Variants in TUBB observed in about 807,000 individuals in gnomAD.
TUBB encodes the protein tubulin beta chain.
TUBB carries 2 observed loss-of-function variants against 35.1 expected under a neutral mutation model. The observed-to-expected ratio is 0.06, with a 90% CI of 0.02 to 0.18. The LOEUF is 0.18. TUBB is among the 10% of genes least tolerant of loss of function. The probability of loss-of-function intolerance (pLI) is 1.00; values close to 1 mark genes in which losing one functional copy is unlikely to be tolerated. For missense variants in TUBB, 50 were observed against 599.4 expected, an observed-to-expected ratio of 0.08 and a Z score of 9.57; for synonymous variants, 205 against 223.8, an observed-to-expected ratio of 0.92 and a Z score of 0.75.
intron 1 of TUBB, chr6:30,721,795 G>A: frequency 1.0e-6 from 1 of 985,360 alleles, no homozygotes; most frequent in Non-Finnish European, 1.2e-6. Context: ...CTTTCTCGGG[G>A]GAGCGAGTGT....
rs1011680322 is a variant in TUBB at position 30,720,621 on chromosome 6, G to T, written c.57+58G>T. 10 of 1,545,180 alleles carry T rather than the reference G, an allele frequency of 6.5e-6. No individual in the cohort carries two copies. The African/African-American group carries it at 1.1e-4, about 17-fold the overall frequency. On this transcript the variant is annotated intron_variant, in intron 1 of 3. Coordinates refer to ENST00000327892, the MANE Select transcript of TUBB (RefSeq NM_178014.4). ...ACAAGGAAAAATCCAGGTAAGTTATGAAAAAATGGTTGTGGGGCATTTGCA... is the reference window on the plus strand; with the variant it reads ...ACAAGGAAAAATCCAGGTAAGTTATTAAAAAATGGTTGTGGGGCATTTGCA...
chr6:30,722,670 C>G (rs775894169), intron 2 of TUBB, 25 bp downstream of exon 2: 1 of 1,587,760 alleles, frequency 6.3e-7, no homozygotes, highest in Admixed American at 1.7e-5. Context: ...CCGGGCAGCT[C>G]AGGTTCCCTT....
rs1291601868 is a variant in TUBB at position 30,724,827 on chromosome 6, G to C, written c.*430G>C. ...GGGTAGAAGTCACTATATAAGGAAG[G>C]GGATGGGATTTTCCATTCTAAAAGT... On this transcript the variant is annotated 3_prime_UTR_variant, in exon 4 of 4. Coordinates refer to ENST00000327892, the MANE Select transcript of TUBB (RefSeq NM_178014.4). The surrounding 1 kb of genome is among the most constrained non-coding windows in gnomAD (Gnocchi z 4.4). The C allele has an allele frequency of 5.8e-6, 1 of 172,944 alleles. No individual in the cohort carries two copies. Among genetic ancestry groups the C allele is most frequent in the African/African-American group, 2.4e-5 (1 of 42,092 alleles). The allele number at this position is 172,944 out of a possible 1,614,324, so 10.7% of individuals were successfully genotyped here.
At position 30,725,355 on chromosome 6, in the gene TUBB, G is replaced by C. The variant is rs953199919; in HGVS notation, c.*958G>C. On this transcript the variant is annotated 3_prime_UTR_variant, in exon 4 of 4. Transcript: ENST00000327892. The stretch of plus-strand genomic sequence containing the variant: ...GAGATTTCTATTTTATGTTGAACTT[G>C]CTGCTTTTTTTCATATTGAAAAGAT... 6.5e-6 allele frequency: 1 copy of C among 152,768 alleles called. No individual in the cohort carries two copies. The highest frequency in any genetic ancestry group is 6.5e-5 in the Admixed American group (1 of 15,270). The allele number at this position is 152,768 out of a possible 1,614,324, so 9.5% of individuals were successfully genotyped here.
Position 30,720,486 on chromosome 6 carries a change from C to CA in TUBB, c.-14dup, listed in dbSNP as rs752125942. ...TGCCCCATACATACCTTGAGGCGAG[C>CA]AAAAAAATTAAATTTTAACCATGAG... On this transcript the variant is annotated 5_prime_UTR_variant, in exon 1 of 4. Coordinates refer to ENST00000327892, the MANE Select transcript of TUBB (RefSeq NM_178014.4). 163 of 1,613,764 alleles carry CA rather than the reference C, an allele frequency of 1.0e-4. No individual in the cohort carries two copies. The highest frequency in any genetic ancestry group is 1.3e-4 in the Non-Finnish European group (153 of 1,179,808).
intron 1 of TUBB, 36 bp from the exon 2 acceptor site, chr6:30,722,501 T>C: frequency 6.9e-7 from 1 of 1,446,232 alleles, no homozygotes; most frequent in South Asian, 1.2e-5. Flanking sequence ...TGGCTGGGAC[T>C]TGACCTGTTG....
chr6:30,720,355 T>A lies in TUBB; in HGVS notation c.-152T>A. 1.3e-6 allele frequency: 1 copy of A among 760,414 alleles called. No individual in the cohort carries two copies. Among genetic ancestry groups the A allele is most frequent in the African/African-American group, 1.7e-5 (1 of 57,626 alleles). The allele number at this position is 760,414 out of a possible 1,614,324, so 47.1% of individuals were successfully genotyped here. ...CGCCCTCCCCTCTCCTTTCTCCCTCTCAGAACCTTCCTGCCGTCGCGTTTG... is the reference window on the plus strand; with the variant it reads ...CGCCCTCCCCTCTCCTTTCTCCCTCACAGAACCTTCCTGCCGTCGCGTTTG... On this transcript the variant is annotated 5_prime_UTR_variant, in exon 1 of 4. Transcript: ENST00000327892.
rs1450166403 is a variant in TUBB, at chr6:30,724,106, T to C, written c.1044T>C (p.Asn348=). The change falls in exon 4 of 4, where the codon AAT becomes AAC. Residue 348 remains asparagine, a synonymous_variant. Transcript: ENST00000327892. The surrounding 1 kb of genome is among the most constrained non-coding windows in gnomAD (Gnocchi z 4.4). ...SSYFVEWIPN[N]VKTAVCDIPP... is the part of the protein sequence containing the mutation. ...ACTTTGTGGAATGGATCCCCAACAA[T>C]GTCAAGACAGCCGTCTGTGACATCC... The C allele has an allele frequency of 2.5e-6, 4 of 1,608,644 alleles. No individual in the cohort carries two copies. Among genetic ancestry groups the C allele is most frequent in the Admixed American group, 3.3e-5 (2 of 59,834 alleles).
In TUBB at chr6:30,721,552, CTT is replaced by C. The variant is rs1020319854; in HGVS notation, c.58-982_58-981del. On this transcript the variant is annotated intron_variant, in intron 1 of 3. Coordinates refer to ENST00000327892, the MANE Select transcript of TUBB (RefSeq NM_178014.4). ...CCCTGGCCCCGCCCACGCGCGAAGT[CTT>C]TTGTCGGCGGCTCGACCTGCGCGTG... is the stretch of plus-strand genomic sequence containing the variant. The C allele has an allele frequency of 1.7e-4, 164 of 985,294 alleles. 1 individual carries two copies. The highest frequency in any genetic ancestry group is 8.0e-4 in the East Asian group (7 of 8,792). 61.0% of individuals were successfully genotyped at this position (985,294 alleles called of 1,614,324 possible).
intron 1 of TUBB, chr6:30,721,594 G>A (rs1165034583): frequency 6.2e-5 from 61 of 985,334 alleles, no homozygotes; most frequent in Non-Finnish European, 7.2e-5. Context: ...GCAGTCACGT[G>A]GAGGGCGGGG....
chr6:30,723,061 T>C (rs1311497862), intron 3 of TUBB, 33 bp downstream of exon 3: 3 of 1,532,214 alleles, frequency 2.0e-6, no homozygotes, highest in African/African-American at 1.4e-5. Context: ...GCAGATGATA[T>C]ACCATCGTGT....
In TUBB at chr6:30,720,399, T is replaced by C; in HGVS notation, c.-108T>C. ...GCGTTTGCACCTCGCTGCTCCAGCCTCTGGGGCGCATTCCAACCTTCCAGC... is the reference window on the plus strand; with the variant it reads ...GCGTTTGCACCTCGCTGCTCCAGCCCCTGGGGCGCATTCCAACCTTCCAGC... On this transcript the variant is annotated 5_prime_UTR_variant, in exon 1 of 4. Coordinates refer to ENST00000327892, the MANE Select transcript of TUBB (RefSeq NM_178014.4). 1.8e-6 allele frequency: 2 copies of C among 1,081,088 alleles called. No individual in the cohort carries two copies. Among genetic ancestry groups the C allele is most frequent in the Non-Finnish European group, 2.8e-6 (2 of 705,704 alleles). The allele number at this position is 1,081,088 out of a possible 1,614,324, so 67.0% of individuals were successfully genotyped here. A position where few individuals can be genotyped will look rare whatever the true frequency, so the allele number is the denominator to read the frequency against.
chr6:30,722,757 G>T (rs1317073025), intron 2 of TUBB, 112 bp downstream of exon 2: 36 of 1,166,146 alleles, frequency 3.1e-5, no homozygotes, highest in Middle Eastern at 2.0e-4. Context: ...CTGTCATTTT[G>T]TCCCTTTCGT....
intron 1 of TUBB, among the ~76,000 whole-genome samples, chr6:30,721,367 G>C (rs1776220091): frequency 1.4e-5 from 2 of 147,792 alleles, no homozygotes; most frequent in African/African-American, 4.9e-5. Flanking sequence ...CAGTGTAGCG[G>C]GGGAGGGGCG....
chr6:30,725,021 C>T lies in TUBB; in HGVS notation c.*624C>T, dbSNP rs1776553385. On this transcript the variant is annotated 3_prime_UTR_variant, in exon 4 of 4. Coordinates refer to ENST00000327892, the MANE Select transcript of TUBB (RefSeq NM_178014.4). ...TCTGTCAAGTGGAATCCTTCCCTTTCCAACTCTACCTCCCTCACTCAGCTC... is the reference window on the plus strand; with the variant it reads ...TCTGTCAAGTGGAATCCTTCCCTTTTCAACTCTACCTCCCTCACTCAGCTC... 1 of 151,448 alleles carries T rather than the reference C, an allele frequency of 6.6e-6. No individual in the cohort carries two copies. The allele number at this position is 151,448 out of a possible 1,614,324, so 9.4% of individuals were successfully genotyped here.
Position 30,724,085 on chromosome 6 carries a change from T to C in TUBB, c.1023T>C (p.Phe341=), listed in dbSNP as rs1776462213. 6.2e-7 allele frequency: 1 copy of C among 1,613,080 alleles called. No individual in the cohort carries two copies. The highest frequency in any genetic ancestry group is 1.7e-5 in the Admixed American group (1 of 59,978). ...LNVQNKNSSY[F]VEWIPNNVKT... ...TGCAGAACAAGAACAGCAGCTACTT[T>C]GTGGAATGGATCCCCAACAATGTCA... Residue 341 remains phenylalanine (F), a synonymous_variant, in exon 4 of 4, where the codon TTT becomes TTC. Transcript: ENST00000327892. This position sits in a 1 kb window ranked among gnomAD's most constrained non-coding sequence, Gnocchi z 4.4.
In TUBB at chr6:30,724,387, A is replaced by C; in HGVS notation, c.1325A>C (p.Glu442Ala). ...GAGGATTTCGGTGAGGAGGCCGAAG[A>C]GGAGGCCTAAGGCAGAGCCCCCATC... is the stretch of plus-strand genomic sequence containing the variant. ...EEEDFGEEAEEEA is the reference protein window; with the variant it reads ...EEEDFGEEAEAEA Residue 442 changes from glutamate (E) to alanine (A), a missense_variant, in exon 4 of 4, where the codon GAG (glutamate) becomes GCG (alanine). Physicochemically the swap from Glu to Ala is moderately radical, Grantham distance 107. Around this residue, in one of 2 missense-constraint regions of TUBB, gnomAD observed 12 missense variants for 20.5 expected, o/e 0.59. Coordinates refer to ENST00000327892, the MANE Select transcript of TUBB (RefSeq NM_178014.4). The surrounding 1 kb of genome is among the most constrained non-coding windows in gnomAD (Gnocchi z 4.4). 1 of 1,610,134 alleles carries C rather than the reference A, an allele frequency of 6.2e-7. No individual in the cohort carries two copies. Among genetic ancestry groups the C allele is most frequent in the Non-Finnish European group, 8.5e-7 (1 of 1,178,566 alleles).
At chr6:30,721,362 T>C (rs1351959408) in intron 1 of TUBB, among the ~76,000 whole-genome samples, 1 of 136,036 alleles carries the variant, frequency 7.4e-6, no homozygotes, top group Non-Finnish European at 1.6e-5. Flanking sequence ...GGTTACAGTG[T>C]AGCGGGGGAG....
At position 30,724,789 on chromosome 6, in the gene TUBB, G is replaced by A. The variant is rs192051958; in HGVS notation, c.*392G>A. 7 of 211,162 alleles carry A rather than the reference G, an allele frequency of 3.3e-5. No homozygotes were observed. Among genetic ancestry groups the A allele is most frequent in the Admixed American group, 2.6e-4 (5 of 19,256 alleles). The allele number at this position is 211,162 out of a possible 1,614,324, so 13.1% of individuals were successfully genotyped here. A position where few individuals can be genotyped will look rare whatever the true frequency, so the allele number is the denominator to read the frequency against. ...TCATCCTAAGCCCAAAGTAGAAAATGGTAGAAGGTAGTGGGTAGAAGTCAC... is the reference window on the plus strand; with the variant it reads ...TCATCCTAAGCCCAAAGTAGAAAATAGTAGAAGGTAGTGGGTAGAAGTCAC... On this transcript the variant is annotated 3_prime_UTR_variant, in exon 4 of 4. Transcript: ENST00000327892. This position sits in a 1 kb window ranked among gnomAD's most constrained non-coding sequence, Gnocchi z 4.4.
Sources: gnomAD v4.1 joint callset for allele counts (sites outside exome capture counted in the v4.1 genomes callset) on GRCh38, gnomAD v4.1.1 for gene constraint, gnomAD v4.1.1 regional missense constraint, Gnocchi (gnomAD v3.1) non-coding constraint, MANE v1.5 for transcripts, NCBI Gene and HGNC (gene_info 2026-07-23, HGNC 2026-07-21) for gene names.